EDIL3: variants seen among roughly 807,000 people sequenced by gnomAD.
EDIL3 encodes the protein EGF-like repeat and discoidin I-like domain-containing protein 3.
In EDIL3, 37 loss-of-function variants were observed where a neutral mutation model predicts 67.4. The ratio of observed to expected loss-of-function variants is 0.55; its 90% CI spans 0.42 to 0.72. The LOEUF is 0.72. Ranked by LOEUF, EDIL3 falls within the 30% of genes least tolerant of loss-of-function variation. EDIL3 has a pLI of 0.00. For missense variants in EDIL3, 527 were observed against 586.3 expected, an observed-to-expected ratio of 0.90 and a Z score of 1.04; for synonymous variants, 195 against 196.3, an observed-to-expected ratio of 0.99 and a Z score of 0.05.
intron 1 of EDIL3, among the ~76,000 whole-genome samples, chr5:84,292,652 A>G (rs16876556): frequency 0.014 from 2,059 of 152,240 alleles, 55 homozygotes; most frequent in African/African-American, 0.047. Context: ...CCTACCATTA[A>G]AATATTTGGT....
At position 84,329,963 on chromosome 5, in the gene EDIL3, C is replaced by T. The variant is rs554860481; in HGVS notation, c.67+54345G>A. On this transcript the variant is annotated intron_variant, in intron 1 of 10. Coordinates refer to ENST00000296591, the MANE Select transcript of EDIL3 (RefSeq NM_005711.5). Reference sequence around the variant, plus strand: ...GATACTCAGATTTGCAGGAGAAATTCCACTTCAGAAAGCACCAAATTACCA... The same window carrying T: ...GATACTCAGATTTGCAGGAGAAATTTCACTTCAGAAAGCACCAAATTACCA... Among the ~76,000 whole-genome samples, 24 of 152,096 alleles carry T rather than the reference C, an allele frequency of 1.6e-4. 1 individual carries two copies. In the East Asian group the frequency reaches 4.3e-3, roughly 27 times the overall value.
rs1317861810 is a variant in EDIL3 at position 84,384,508 on chromosome 5, C to A, written c.-134G>T. 2.4e-6 allele frequency: 2 copies of A among 817,192 alleles called. No homozygotes were observed. Among genetic ancestry groups the A allele is most frequent in the Non-Finnish European group, 3.8e-6 (2 of 521,138 alleles). 50.6% of individuals were successfully genotyped at this position (817,192 alleles called of 1,614,324 possible). On this transcript the variant is annotated 5_prime_UTR_variant, in exon 1 of 11. Coordinates refer to ENST00000296591, the MANE Select transcript of EDIL3 (RefSeq NM_005711.5). ...TCAAGAAGACGTTCTCTTTCCTCAG[C>A]GCTTTGTTAAACAAATTCTTGGAGA...
chr5:84,207,562 G>C (rs931353919), intron 3 of EDIL3, among the ~76,000 whole-genome samples: 6 of 151,550 alleles, frequency 4.0e-5, no homozygotes, highest in African/African-American at 1.5e-4. Flanking sequence ...AGTTCATATG[G>C]AACCAAAAAA....
chr5:84,170,488 G>A (rs770361003), intron 4 of EDIL3, among the ~76,000 whole-genome samples: 2 of 152,196 alleles, frequency 1.3e-5, no homozygotes, highest in East Asian at 1.9e-4. Flanking sequence ...AACAACAGCA[G>A]TGGTATTCTG....
chr5:84,343,886 G>T (rs1261915621), intron 1 of EDIL3, among the ~76,000 whole-genome samples: 1 of 152,062 alleles, frequency 6.6e-6, no homozygotes, highest in African/African-American at 2.4e-5. Flanking sequence ...TTACCAAAAA[G>T]TAATGGAGTT....
At chr5:84,360,411 A>G (rs1458047312) in intron 1 of EDIL3, among the ~76,000 whole-genome samples, 1 of 152,154 alleles carries the variant, frequency 6.6e-6, no homozygotes, top group Non-Finnish European at 1.5e-5. Flanking sequence ...AATGTAGATC[A>G]TTTACTTAAA....
intron 9 of EDIL3, among the ~76,000 whole-genome samples, chr5:84,045,244 C>T (rs113717269): frequency 1.3e-5 from 2 of 152,124 alleles, no homozygotes; most frequent in African/African-American, 2.4e-5. Flanking sequence ...ATGGGAGCTA[C>T]AATTCAAGAT....
chr5:84,106,970 T>C, intron 5 of EDIL3, 140 bp from the exon 6 acceptor site: 1 of 896,700 alleles, frequency 1.1e-6, no homozygotes, highest in Non-Finnish European at 1.6e-6. Flanking sequence ...CCTTTACAGA[T>C]CTGTTATCGA....
chr5:84,224,126 G>A (rs868753676), intron 3 of EDIL3, among the ~76,000 whole-genome samples: 35 of 151,316 alleles, frequency 2.3e-4, no homozygotes, highest in African/African-American at 8.5e-4. Context: ...AAAACAATAA[G>A]TTACGGTTGT....
chr5:84,313,754 G>A (rs758486081), intron 1 of EDIL3, among the ~76,000 whole-genome samples: 5 of 152,144 alleles, frequency 3.3e-5, no homozygotes, highest in Admixed American at 1.3e-4. Flanking sequence ...CTGTGGGTAG[G>A]ACCCCAGGCA....
chr5:84,174,627 TG>T (rs1480677685), intron 4 of EDIL3, among the ~76,000 whole-genome samples: 1 of 152,018 alleles, frequency 6.6e-6, no homozygotes, highest in African/African-American at 2.4e-5. Context: ...GTCAGGTGCT[TG>T]GGTGTCATCT....
intron 1 of EDIL3, among the ~76,000 whole-genome samples, chr5:84,302,361 A>G (rs1746179182): frequency 6.6e-6 from 1 of 152,134 alleles, no homozygotes; most frequent in African/African-American, 2.4e-5. Context: ...CAGTGGCACA[A>G]TCTCGGCTCA....
chr5:84,057,806 A>C (rs1325434126), intron 9 of EDIL3, among the ~76,000 whole-genome samples: 1 of 152,112 alleles, frequency 6.6e-6, no homozygotes, highest in East Asian at 1.9e-4. Context: ...TCATTCAACA[A>C]ATCTTTATGG....
At chr5:84,059,191 A>G (rs1561418181) in intron 9 of EDIL3, among the ~76,000 whole-genome samples, 1 of 152,106 alleles carries the variant, frequency 6.6e-6, no homozygotes, top group Non-Finnish European at 1.5e-5. Flanking sequence ...GGTGGAGGCT[A>G]GGAGTTCGAG....
At chr5:84,325,695 T>C (rs1192682366) in intron 1 of EDIL3, among the ~76,000 whole-genome samples, 2 of 152,096 alleles carry the variant, frequency 1.3e-5, no homozygotes, top group Non-Finnish European at 2.9e-5. Flanking sequence ...TTCATGTTCA[T>C]AGCAGCATTA....
chr5:84,034,233 G>A (rs1745977018), intron 9 of EDIL3, among the ~76,000 whole-genome samples: 2 of 152,110 alleles, frequency 1.3e-5, no homozygotes, highest in South Asian at 4.1e-4. Context: ...CACAAACACA[G>A]ATGCACACAA....
intron 4 of EDIL3, among the ~76,000 whole-genome samples, chr5:84,160,751 TTTCCTTTCCTTTCCTTTC>T (rs1561449319): frequency 4.1e-3 from 68 of 16,456 alleles, no homozygotes; most frequent in Admixed American, 0.012. Context: ...TTTTCTTTCC[TTTCCTTTCCTTTCCTTTC>T]CTTTCCTTTC....
chr5:84,070,777 C>A, intron 6 of EDIL3, among the ~76,000 whole-genome samples: 1 of 152,040 alleles, frequency 6.6e-6, no homozygotes, highest in Non-Finnish European at 1.5e-5. Context: ...CAGAACATTG[C>A]TGAGCAGGCT....
chr5:84,374,512 A>G lies in EDIL3; in HGVS notation c.67+9796T>C, dbSNP rs542384086. On this transcript the variant is annotated intron_variant, in intron 1 of 10. Coordinates refer to ENST00000296591, the MANE Select transcript of EDIL3 (RefSeq NM_005711.5). ...CTTTTATTATTTTGGGGGAATAAAT[A>G]TAATAATGCATGTGGAGGTAAATTT... 6.6e-5 allele frequency among the ~76,000 whole-genome samples: 10 copies of G among 152,362 alleles called. No homozygotes were observed. The South Asian group carries it at 2.1e-3, about 32-fold the overall frequency.
Sources: allele counts gnomAD v4.1 joint callset (sites outside exome capture counted in the v4.1 genomes callset), GRCh38; gene constraint gnomAD v4.1.1; transcripts MANE v1.5; gene names NCBI Gene and HGNC (gene_info 2026-07-23, HGNC 2026-07-21).